The following RTL4 variants were observed in gnomAD, a reference collection of about 807,000 sequenced individuals.
RTL4 encodes the protein retrotransposon Gag-like protein 4.
A neutral mutation model predicts 5.3 loss-of-function variants in RTL4; 4 were observed. That is an observed-to-expected ratio of 0.75 (90% CI 0.37 to 1.72). The LOEUF is 1.72. RTL4 is among the 40% of genes most tolerant of loss of function. The pLI is 0.04. For synonymous variants in RTL4, 98 were observed against 87.3 expected (o/e 1.12, Z -0.68); for missense variants, 260 against 227.1 (o/e 1.14, Z -0.93).
At chrX:112,208,777 C>G in the RTL4 span, among the ~76,000 whole-genome samples, 1 of 112,654 alleles carries the variant, frequency 8.9e-6, no homozygotes, top group Non-Finnish European at 1.9e-5. Context: ...CATAGTTCAA[C>G]TGCATTCAGA....
the RTL4 span, among the ~76,000 whole-genome samples, chrX:112,293,705 C>T: frequency 1.8e-5 from 2 of 111,653 alleles, no homozygotes; most frequent in Non-Finnish European, 3.8e-5. Flanking sequence ...TATTTCCTGG[C>T]CACAAAACTG....
the RTL4 span, among the ~76,000 whole-genome samples, chrX:112,249,539 T>A: frequency 1.3e-3 from 147 of 111,165 alleles, 1 homozygote; most frequent in Non-Finnish European, 2.5e-3. Context: ...CAAATCAGCA[T>A]GGGCCTCATT....
the RTL4 span, among the ~76,000 whole-genome samples, chrX:112,144,447 T>C: frequency 9.0e-6 from 1 of 111,387 alleles, no homozygotes; most frequent in Non-Finnish European, 1.9e-5. Flanking sequence ...ATAATTTGCA[T>C]TTCTGATAGG....
chrX:112,271,297 C>T, the RTL4 span, among the ~76,000 whole-genome samples: 2 of 113,033 alleles, frequency 1.8e-5, no homozygotes, highest in Non-Finnish European at 3.7e-5. Context: ...GTTTCGAGAT[C>T]GATCTTTTGA....
chrX:112,156,781 C>T, the RTL4 span, among the ~76,000 whole-genome samples: 1 of 111,373 alleles, frequency 9.0e-6, no homozygotes, highest in Non-Finnish European at 1.9e-5. Flanking sequence ...AGCCTAGCGA[C>T]TCAGTCTAAA....
the RTL4 span, among the ~76,000 whole-genome samples, chrX:112,354,082 G>A: frequency 9.0e-6 from 1 of 111,220 alleles, no homozygotes; most frequent in Non-Finnish European, 1.9e-5. Context: ...AATAGACTAA[G>A]GTATGCATAG....
chrX:112,449,701 T>G (rs1926700725), upstream of RTL4, among the ~76,000 whole-genome samples: 1 of 111,980 alleles, frequency 8.9e-6, no homozygotes, highest in South Asian at 3.7e-4. Flanking sequence ...CACCCGATAT[T>G]CACAAGGTAA....
the RTL4 span, among the ~76,000 whole-genome samples, chrX:112,276,763 G>A: frequency 1.8e-4 from 20 of 111,982 alleles, no homozygotes; most frequent in East Asian, 4.8e-3. Flanking sequence ...GGAGATAGAG[G>A]TCTGCTAGTG....
chrX:112,116,001 G>T, the RTL4 span, among the ~76,000 whole-genome samples: 1 of 111,658 alleles, frequency 9.0e-6, no homozygotes, highest in Non-Finnish European at 1.9e-5. Flanking sequence ...TTGACCTTTG[G>T]CTCAGCCCAG....
chrX:112,229,834 C>A, the RTL4 span, among the ~76,000 whole-genome samples: 1 of 111,972 alleles, frequency 8.9e-6, no homozygotes, highest in African/African-American at 3.3e-5. Flanking sequence ...GCAGTGGCTG[C>A]AGAACAGTGG....
At chrX:112,315,591 A>C in the RTL4 span, among the ~76,000 whole-genome samples, 1 of 111,776 alleles carries the variant, frequency 8.9e-6, no homozygotes, top group African/African-American at 3.3e-5. Context: ...CAACATATAC[A>C]ACCATCTTCA....
At chrX:112,343,571 T>C in the RTL4 span, among the ~76,000 whole-genome samples, 1 of 112,247 alleles carries the variant, frequency 8.9e-6, no homozygotes, top group Non-Finnish European at 1.9e-5. Context: ...GATTTCTTTA[T>C]TGTAGGACTT....
the RTL4 span, among the ~76,000 whole-genome samples, chrX:112,326,848 C>A: frequency 9.0e-6 from 1 of 111,648 alleles, no homozygotes; most frequent in Non-Finnish European, 1.9e-5. Flanking sequence ...GTCCCTGACC[C>A]CTGACCCCCG....
chrX:112,134,157 A>T, the RTL4 span, among the ~76,000 whole-genome samples: 1 of 112,238 alleles, frequency 8.9e-6, no homozygotes, highest in African/African-American at 3.2e-5. Context: ...TAAAGCAGAT[A>T]ATAGTGGAGC....
At chrX:112,310,828 C>T in the RTL4 span, among the ~76,000 whole-genome samples, 2 of 80,805 alleles carry the variant, frequency 2.5e-5, no homozygotes, top group Admixed American at 1.8e-4. Flanking sequence ...TATATTAATA[C>T]ATTATATATT....
At chrX:112,319,017 G>A in the RTL4 span, among the ~76,000 whole-genome samples, 1 of 111,558 alleles carries the variant, frequency 9.0e-6, no homozygotes, top group Admixed American at 9.5e-5. Flanking sequence ...TTTCCTACAT[G>A]GGAGCTCAGT....
chrX:112,410,061 A>T, the RTL4 span, among the ~76,000 whole-genome samples: 23 of 112,185 alleles, frequency 2.1e-4, no homozygotes, highest in African/African-American at 7.1e-4. Context: ...ATAGAAATTT[A>T]AAAAATCGGG....
the RTL4 span, among the ~76,000 whole-genome samples, chrX:112,112,186 G>T: frequency 8.9e-6 from 1 of 112,215 alleles, no homozygotes; most frequent in Non-Finnish European, 1.9e-5. Flanking sequence ...TTGTGGGGTT[G>T]TCCCACGAGT....
chrX:112,187,439 A>G, the RTL4 span, among the ~76,000 whole-genome samples: 1 of 111,367 alleles, frequency 9.0e-6, no homozygotes. Context: ...TTTATTAAGA[A>G]CCCCAGGCAT....
Sources: gnomAD v4.1 joint callset for allele counts (sites outside exome capture counted in the v4.1 genomes callset) on GRCh38, gnomAD v4.1.1 for gene constraint, MANE v1.5 for transcripts, NCBI Gene and HGNC (gene_info 2026-07-23, HGNC 2026-07-21) for gene names.